Variants in DCLK2 observed in about 807,000 individuals in gnomAD.
The protein encoded by DCLK2 is serine/threonine-protein kinase DCLK2.
DCLK2 carries 31 observed loss-of-function variants against 78.4 expected under a neutral mutation model. That is an observed-to-expected ratio of 0.40 (90% CI 0.30 to 0.53). DCLK2 has a LOEUF of 0.53. Ranked by LOEUF, DCLK2 falls within the 20% of genes least tolerant of loss-of-function variation. The probability of loss-of-function intolerance (pLI) is 0.61; values close to 1 mark genes in which losing one functional copy is unlikely to be tolerated. For missense variants in DCLK2, 872 were observed against 973.7 expected (o/e 0.90, Z 1.39); for synonymous variants, 407 against 374.9 (o/e 1.09, Z -0.99).
Position 150,102,823 on chromosome 4 carries a change from TC to T in DCLK2, c.756+12del. ...CTGGATGGAAAGCAGGTAAGATGCT[TC>T]TAGCTCCCAGCTCTCCATCTGACTT... On this transcript the variant is annotated intron_variant, in intron 2 of 15. Coordinates refer to ENST00000296550, the MANE Select transcript of DCLK2 (RefSeq NM_001040260.4). 6.3e-7 allele frequency: 1 copy of T among 1,584,276 alleles called. No homozygotes were observed. Among genetic ancestry groups the T allele is most frequent in the South Asian group, 1.1e-5 (1 of 87,180 alleles).
intron 8 of DCLK2, among the ~76,000 whole-genome samples, chr4:150,225,021 G>T (rs1741494050): frequency 6.6e-6 from 1 of 152,196 alleles, no homozygotes; most frequent in Non-Finnish European, 1.5e-5. Context: ...TCCCATAGTG[G>T]TGAGGCTGAG....
intron 8 of DCLK2, among the ~76,000 whole-genome samples, chr4:150,225,544 C>G (rs1277955102): frequency 1.3e-5 from 2 of 152,124 alleles, no homozygotes; most frequent in East Asian, 1.9e-4. Flanking sequence ...CTACCAGTCA[C>G]GTACAGCTAC....
intron 2 of DCLK2, among the ~76,000 whole-genome samples, chr4:150,137,222 G>T (rs1217766926): frequency 6.6e-6 from 1 of 152,030 alleles, no homozygotes; most frequent in Non-Finnish European, 1.5e-5. Context: ...GGAGTAGGGT[G>T]GAGTTAGCTG....
At chr4:150,191,648 G>A (rs980272324) in intron 2 of DCLK2, among the ~76,000 whole-genome samples, 3 of 152,138 alleles carry the variant, frequency 2.0e-5, no homozygotes, top group Non-Finnish European at 1.5e-5. Context: ...AGCTAGAGCC[G>A]TTTCAGTGAG....
rs1316585291 is a variant in DCLK2, at chr4:150,175,014, AT to A, written c.757-18123del. Among the ~76,000 whole-genome samples the A allele has an allele frequency of 2.5e-3, 91 of 35,872 alleles. 33 individuals are homozygous for A. Among genetic ancestry groups the A allele is most frequent in the African/African-American group, 0.01 (89 of 8,586 alleles). 23.5% of individuals were successfully genotyped at this position (35,872 alleles called of 152,430 possible). A position where few individuals can be genotyped will look rare whatever the true frequency, so the allele number is the denominator to read the frequency against. ...CTCCGTCGCAAAAAAAAAAAAAAAT[AT>A]ATATATATATATATATATTTATATA... On this transcript the variant is annotated intron_variant, in intron 2 of 15. Transcript: ENST00000296550.
At chr4:150,192,374 G>A (rs137988769) in intron 2 of DCLK2, among the ~76,000 whole-genome samples, 1,619 of 151,782 alleles carry the variant, frequency 0.011, 30 homozygotes, top group African/African-American at 0.037. Context: ...CAGCTACTTG[G>A]GAGGCTGAGA....
At chr4:150,101,605 A>G (rs534399311) in intron 1 of DCLK2, among the ~76,000 whole-genome samples, 27 of 152,266 alleles carry the variant, frequency 1.8e-4, no homozygotes, top group African/African-American at 6.5e-4. Flanking sequence ...ACCTTGGGTG[A>G]TTCTGACTTT....
chr4:150,176,047 C>G lies in DCLK2; in HGVS notation c.757-17091C>G, dbSNP rs762064307. Among the ~76,000 whole-genome samples, 3 of 152,160 alleles carry G rather than the reference C, an allele frequency of 2.0e-5. No homozygotes were observed. In the East Asian group the frequency reaches 5.8e-4, roughly 29 times the overall value. On this transcript the variant is annotated intron_variant, in intron 2 of 15. Coordinates refer to ENST00000296550, the MANE Select transcript of DCLK2 (RefSeq NM_001040260.4). ...GAAGATAGGTGGCTGGAATTTATTG[C>G]GGAAGTAACATTTATTTACGTTTGG...
chr4:150,080,302 C>T (rs1460446669), intron 1 of DCLK2, among the ~76,000 whole-genome samples: 1 of 152,176 alleles, frequency 6.6e-6, no homozygotes, highest in Non-Finnish European at 1.5e-5. Flanking sequence ...ATTAGTAATT[C>T]TGCTGTGTCA....
intron 3 of DCLK2, among the ~76,000 whole-genome samples, chr4:150,196,072 A>G (rs551951889): frequency 2.0e-5 from 3 of 152,030 alleles, no homozygotes; most frequent in Non-Finnish European, 4.4e-5. Flanking sequence ...ATTTTTTTTT[A>G]ATCAGTTATT....
intron 2 of DCLK2, among the ~76,000 whole-genome samples, chr4:150,125,599 T>C (rs1357881623): frequency 6.6e-6 from 1 of 152,180 alleles, no homozygotes; most frequent in African/African-American, 2.4e-5. Context: ...AAAATAGTTA[T>C]GCATGTGTGG....
At chr4:150,241,976 GT>G (rs1276751420) in intron 12 of DCLK2, among the ~76,000 whole-genome samples, 1 of 152,186 alleles carries the variant, frequency 6.6e-6, no homozygotes, top group African/African-American at 2.4e-5. Flanking sequence ...CTATGGCATG[GT>G]GTTTATAGTG....
intron 2 of DCLK2, among the ~76,000 whole-genome samples, chr4:150,179,601 A>AT (rs1160442300): frequency 6.6e-6 from 1 of 152,142 alleles, no homozygotes; most frequent in Non-Finnish European, 1.5e-5. Context: ...GACTAATCTT[A>AT]TTTTTATGTA....
chr4:150,203,005 A>G (rs1437702184), intron 4 of DCLK2, among the ~76,000 whole-genome samples: 2 of 152,162 alleles, frequency 1.3e-5, no homozygotes, highest in Admixed American at 6.5e-5. Flanking sequence ...TATTTTTTAA[A>G]TTTCCAAATT....
intron 2 of DCLK2, among the ~76,000 whole-genome samples, chr4:150,109,781 A>G (rs1235669233): frequency 6.6e-6 from 1 of 152,216 alleles, no homozygotes; most frequent in Non-Finnish European, 1.5e-5. Flanking sequence ...ACTAAGAGCA[A>G]CTAGTAGGAT....
chr4:150,233,279 T>C (rs1391225625), intron 10 of DCLK2, among the ~76,000 whole-genome samples: 5 of 152,132 alleles, frequency 3.3e-5, no homozygotes, highest in Admixed American at 2.6e-4. Flanking sequence ...AGGAACAGCA[T>C]GGGGGAAATC....
At chr4:150,142,473 T>G (rs1734174548) in intron 2 of DCLK2, among the ~76,000 whole-genome samples, 1 of 152,248 alleles carries the variant, frequency 6.6e-6, no homozygotes, top group African/African-American at 2.4e-5. Flanking sequence ...ATTTTTAGTT[T>G]CTTTTGCTTC....
At chr4:150,223,434 T>C (rs927294841) in intron 7 of DCLK2, among the ~76,000 whole-genome samples, 5 of 152,236 alleles carry the variant, frequency 3.3e-5, no homozygotes, top group Admixed American at 2.6e-4. Context: ...AATTAAATTA[T>C]TTTAAAGGTG....
At chr4:150,210,410 C>T (rs1461082573) in intron 5 of DCLK2, among the ~76,000 whole-genome samples, 1 of 152,172 alleles carries the variant, frequency 6.6e-6, no homozygotes, top group Non-Finnish European at 1.5e-5. Context: ...ACCTCCTCTG[C>T]TTTTCTATCA....
Sources: allele counts gnomAD v4.1 joint callset (sites outside exome capture counted in the v4.1 genomes callset), GRCh38; gene constraint gnomAD v4.1.1; transcripts MANE v1.5; gene names NCBI Gene and HGNC (gene_info 2026-07-23, HGNC 2026-07-21).